The following PTPRG variants were observed in gnomAD, a reference collection of about 807,000 sequenced individuals.
The protein encoded by PTPRG is protein tyrosine phosphatase receptor type G.
In PTPRG, 102 loss-of-function variants were observed where a neutral mutation model predicts 165.3. The observed-to-expected ratio is 0.62, with a 90% CI of 0.53 to 0.73. The LOEUF (loss-of-function observed/expected upper bound fraction) is 0.73, where lower values mean the gene tolerates loss of function less well. PTPRG is among the 30% of genes least tolerant of loss of function. PTPRG has a pLI of 0.00. For missense variants in PTPRG, 1,866 were observed against 1,861.4 expected (o/e 1.00, Z -0.05); for synonymous variants, 675 against 669.5 (o/e 1.01, Z -0.13).
At chr3:62,065,026 C>T (rs371059222) in intron 4 of PTPRG, among the ~76,000 whole-genome samples, 147 of 152,134 alleles carry the variant, frequency 9.7e-4, no homozygotes, top group African/African-American at 3.4e-3. Flanking sequence ...GCCACTGCAC[C>T]CAGCCTTGTT....
intron 2 of PTPRG, among the ~76,000 whole-genome samples, chr3:61,862,682 A>G (rs952340993): frequency 3.9e-5 from 6 of 152,130 alleles, no homozygotes; most frequent in African/African-American, 1.4e-4. Context: ...GGTGTAAGCC[A>G]CCGTGCCCGG....
chr3:61,721,638 A>T (rs1229872224), intron 1 of PTPRG, among the ~76,000 whole-genome samples: 1 of 152,240 alleles, frequency 6.6e-6, no homozygotes. Flanking sequence ...CATGTCCTGC[A>T]TATTTTCCTA....
At chr3:62,016,934 C>G (rs2041559470) in intron 4 of PTPRG, among the ~76,000 whole-genome samples, 1 of 152,182 alleles carries the variant, frequency 6.6e-6, no homozygotes, top group Non-Finnish European at 1.5e-5. Flanking sequence ...ACTTTCTTTT[C>G]TATTACCCAG....
intron 1 of PTPRG, among the ~76,000 whole-genome samples, chr3:61,574,308 ACAAGTACTAGTTGGTCAC>A (rs1700127859): frequency 6.6e-6 from 1 of 152,190 alleles, no homozygotes; most frequent in African/African-American, 2.4e-5. Flanking sequence ...TGCTTGGTTG[ACAAGTACTAGTTGGTCAC>A]CAGATCTACT....
chr3:62,124,313 G>T, intron 5 of PTPRG: 1 of 1,607,552 alleles, frequency 6.2e-7, no homozygotes, highest in Non-Finnish European at 8.5e-7. Flanking sequence ...CGGCATCCTG[G>T]ATGCCTGGTT....
rs1038202597 is a variant in PTPRG at position 62,254,834 on chromosome 3, A to G, written c.2468-290A>G. ...TCACACTTTTAGTTAAGAGTATGCT[A>G]TGGTAATTTAACTATGTAAATTGCG... On this transcript the variant is annotated intron_variant, in intron 15 of 29. Transcript: ENST00000474889. The surrounding 1 kb of genome is among the most constrained non-coding windows in gnomAD (Gnocchi z 4.6). Among the ~76,000 whole-genome samples the G allele has an allele frequency of 2.6e-5, 4 of 152,140 alleles. No individual in the cohort carries two copies. Among genetic ancestry groups the G allele is most frequent in the African/African-American group, 9.7e-5 (4 of 41,440 alleles).
intron 4 of PTPRG, 34 bp from the exon 5 acceptor site, chr3:62,078,129 T>C (rs986937182): frequency 2.1e-6 from 3 of 1,413,426 alleles, no homozygotes; most frequent in Non-Finnish European, 2.0e-6. Context: ...TGTTTGAAAA[T>C]TTTCCTAATA....
intron 8 of PTPRG, among the ~76,000 whole-genome samples, chr3:62,168,825 G>T (rs1362459944): frequency 6.6e-6 from 1 of 152,318 alleles, no homozygotes; most frequent in South Asian, 2.1e-4. Context: ...CCAGGTCCTT[G>T]TCTGGCGTCC....
chr3:61,641,188 C>T (rs1027099147), intron 1 of PTPRG, among the ~76,000 whole-genome samples: 1 of 152,136 alleles, frequency 6.6e-6, no homozygotes, highest in Admixed American at 6.5e-5. Flanking sequence ...CCTCCCCCTC[C>T]ACCGTTCCTT....
intron 1 of PTPRG, among the ~76,000 whole-genome samples, chr3:61,679,593 A>G (rs1379174635): frequency 1.3e-5 from 2 of 152,088 alleles, no homozygotes; most frequent in African/African-American, 4.8e-5. Context: ...GAGAACAGCC[A>G]CCACAGTGGA....
At position 61,871,108 on chromosome 3, in the gene PTPRG, CTGTTA is replaced by C. The variant is rs200340668; in HGVS notation, c.191-118497_191-118493del. 4.9e-3 allele frequency among the ~76,000 whole-genome samples: 620 copies of C among 127,004 alleles called. 7 individuals carry two copies. The highest frequency in any genetic ancestry group is 7.0e-3 in the East Asian group (25 of 3,588). 83.3% of individuals were successfully genotyped at this position (127,004 alleles called of 152,430 possible). A position where few individuals can be genotyped will look rare whatever the true frequency, so the allele number is the denominator to read the frequency against. ...CAGTATTCCATTTTCCCTACATTCC[CTGTTA>C]TGTTATGTTATGTTATGTTGTGTTG... is the stretch of plus-strand genomic sequence containing the variant. On this transcript the variant is annotated intron_variant, in intron 2 of 29. Transcript: ENST00000474889.
At chr3:61,792,668 TTTTCTTTCTTTCTTTCTTTC>T (rs199609616) in intron 2 of PTPRG, among the ~76,000 whole-genome samples, 18,215 of 117,982 alleles carry the variant, frequency 0.15, 1,909 homozygotes, top group South Asian at 0.19. Context: ...TTTTTGTGGG[TTTTCTTTCTTTCTTTCTTTC>T]TTTCTTTCTT....
chr3:61,881,163 G>C (rs1391463960), intron 2 of PTPRG, among the ~76,000 whole-genome samples: 1 of 151,916 alleles, frequency 6.6e-6, no homozygotes, highest in Non-Finnish European at 1.5e-5. Flanking sequence ...AACAAAGTGA[G>C]GTTTACAAGG....
intron 1 of PTPRG, among the ~76,000 whole-genome samples, chr3:61,672,131 G>A (rs1703026662): frequency 2.0e-5 from 3 of 149,832 alleles, no homozygotes; most frequent in Non-Finnish European, 4.4e-5. Context: ...GGGCGGCCGG[G>A]CAGAGATGCT....
intron 16 of PTPRG, chr3:62,261,146 G>A (rs1377953796): frequency 6.6e-6 from 1 of 152,098 alleles, no homozygotes; most frequent in Non-Finnish European, 1.5e-5. Flanking sequence ...TCAGACTAAG[G>A]TACTAAAAGC....
At chr3:62,109,966 C>A (rs1399853853) in intron 5 of PTPRG, among the ~76,000 whole-genome samples, 1 of 152,108 alleles carries the variant, frequency 6.6e-6, no homozygotes, top group African/African-American at 2.4e-5. Context: ...CCAGAGGTTC[C>A]ATGTTCCTGT....
intron 1 of PTPRG, among the ~76,000 whole-genome samples, chr3:61,620,948 A>C (rs1701433095): frequency 6.6e-6 from 1 of 151,380 alleles, no homozygotes; most frequent in Non-Finnish European, 1.5e-5. Context: ...CTCTTTTAAT[A>C]AGCGTAGTGT....
intron 7 of PTPRG, among the ~76,000 whole-genome samples, chr3:62,159,758 C>T (rs558374514): frequency 1.3e-5 from 2 of 152,196 alleles, no homozygotes; most frequent in South Asian, 2.1e-4. Flanking sequence ...TGCTACAAAC[C>T]GTCTTAAGAT....
At chr3:61,874,813 T>C in intron 2 of PTPRG, among the ~76,000 whole-genome samples, 1 of 152,178 alleles carries the variant, frequency 6.6e-6, no homozygotes. Context: ...CCTGCCCTAA[T>C]TTAATGAGAG....
Sources: allele counts gnomAD v4.1 joint callset (sites outside exome capture counted in the v4.1 genomes callset), GRCh38; gene constraint gnomAD v4.1.1; non-coding constraint Gnocchi (gnomAD v3.1); transcripts MANE v1.5; gene names NCBI Gene and HGNC (gene_info 2026-07-23, HGNC 2026-07-21).